BACE2: variants seen among roughly 807,000 people sequenced by gnomAD.
BACE2 encodes 56 kDa aspartic-like protease.
Under a neutral mutation model 46.2 loss-of-function variants are expected in BACE2, and 17 were observed. The ratio of observed to expected loss-of-function variants is 0.37; its 90% CI spans 0.25 to 0.55. BACE2 has a LOEUF of 0.55. Ranked by LOEUF, BACE2 falls within the 20% of genes least tolerant of loss-of-function variation. The pLI, the probability that BACE2 is intolerant of heterozygous loss-of-function variation, is 0.82. For missense variants in BACE2, 595 were observed against 698.1 expected, an observed-to-expected ratio of 0.85 and a Z score of 1.66; for synonymous variants, 277 against 295.9, an observed-to-expected ratio of 0.94 and a Z score of 0.66.
In BACE2 at chr21:41,280,098, G is replaced by A. The variant is rs941326505; in HGVS notation, c.*4474G>A. The A allele has an allele frequency of 1.3e-5, 2 of 152,296 alleles. No homozygotes were observed. The highest frequency in any genetic ancestry group is 1.3e-4 in the Admixed American group (2 of 15,288). The allele number at this position is 152,296 out of a possible 1,614,324, so 9.4% of individuals were successfully genotyped here. Reference sequence around the variant, plus strand: ...CAAGAGAAACTTGCTTGACAGCCATGTGTAAAACACGTCTGTCCTAATCAA... The same window carrying A: ...CAAGAGAAACTTGCTTGACAGCCATATGTAAAACACGTCTGTCCTAATCAA... On this transcript the variant is annotated 3_prime_UTR_variant, in exon 9 of 9. Coordinates refer to ENST00000330333, the MANE Select transcript of BACE2 (RefSeq NM_012105.5).
chr21:41,257,752 C>T (rs555901276), intron 8 of BACE2, among the ~76,000 whole-genome samples: 14 of 152,202 alleles, frequency 9.2e-5, no homozygotes, highest in East Asian at 5.8e-4. Flanking sequence ...TCTTGAAATC[C>T]TAATATAATG....
intron 7 of BACE2, among the ~76,000 whole-genome samples, chr21:41,253,565 G>T (rs1987700237): frequency 1.3e-5 from 2 of 152,124 alleles, no homozygotes; most frequent in African/African-American, 2.4e-5. Flanking sequence ...TGAGGACCCA[G>T]GTGTGCACTG....
At chr21:41,237,485 A>G (rs1389467867) in intron 2 of BACE2, 28 bp from the exon 3 acceptor site, 4 of 1,434,704 alleles carry the variant, frequency 2.8e-6, no homozygotes, top group Non-Finnish European at 3.8e-6. Flanking sequence ...TAAAATGAAT[A>G]CAATATGCTT....
chr21:41,262,714 C>G (rs1444592284), intron 8 of BACE2, among the ~76,000 whole-genome samples: 1 of 152,016 alleles, frequency 6.6e-6, no homozygotes, highest in Non-Finnish European at 1.5e-5. Context: ...TAATTTTGTC[C>G]AAAAAGATTC....
intron 1 of BACE2, among the ~76,000 whole-genome samples, chr21:41,223,427 TG>T (rs1384155432): frequency 6.6e-6 from 1 of 151,992 alleles, no homozygotes; most frequent in Non-Finnish European, 1.5e-5. Flanking sequence ...AAGGTGTTGG[TG>T]GGGCCATGCA....
Position 41,226,359 on chromosome 21 carries a change from G to A in BACE2, c.401+5G>A. On this transcript the variant is annotated splice_donor_5th_base_variant and intron_variant, in intron 2 of 8. Transcript: ENST00000330333. ...CACGTACTTTGACACAGAGAGGTAA[G>A]CGCTGGCCCCTTGGCTGGTGTGCTG... 1.2e-6 allele frequency: 2 copies of A among 1,611,246 alleles called. No individual in the cohort carries two copies. Among genetic ancestry groups the A allele is most frequent in the Non-Finnish European group, 1.7e-6 (2 of 1,179,260 alleles).
chr21:41,172,954 C>T (rs1984658384), intron 1 of BACE2, among the ~76,000 whole-genome samples: 1 of 152,124 alleles, frequency 6.6e-6, no homozygotes. Flanking sequence ...ATTTCTTGAC[C>T]CTTGGCCGCA....
At position 41,193,610 on chromosome 21, in the gene BACE2, C is replaced by T. The variant is rs543286307; in HGVS notation, c.312+25035C>T. ...GCAGCTCTAATGGCTTCCATTTGGC[C>T]TTTCTCACCATAATAGTCCACACCC... On this transcript the variant is annotated intron_variant, in intron 1 of 8. Transcript: ENST00000330333. This position sits in a 1 kb window ranked among gnomAD's most constrained non-coding sequence, Gnocchi z 4.2. 1.3e-5 allele frequency among the ~76,000 whole-genome samples: 2 copies of T among 152,286 alleles called. No homozygotes were observed. The highest frequency in any genetic ancestry group is 4.8e-5 in the African/African-American group (2 of 41,556).
At chr21:41,204,270 AC>A (rs1440011087) in intron 1 of BACE2, among the ~76,000 whole-genome samples, 2 of 152,050 alleles carry the variant, frequency 1.3e-5, no homozygotes, top group Admixed American at 6.6e-5. Context: ...TGAACTCCTG[AC>A]CTCAGGTGAT....
In BACE2 at chr21:41,230,216, C is replaced by T. The variant is rs895090382; in HGVS notation, c.401+3862C>T. 4 of 152,326 alleles carry T rather than the reference C, an allele frequency of 2.6e-5. 1 individual carries two copies. Among genetic ancestry groups the T allele is most frequent in the South Asian group, 2.1e-4 (1 of 4,832 alleles). The allele number at this position is 152,326 out of a possible 1,614,324, so 9.4% of individuals were successfully genotyped here. ...TCAGATGTGACGCATCCCACTTCTG[C>T]GTTTGAGGCGAGTTCTATTCCTTCA... On this transcript the variant is annotated intron_variant, in intron 2 of 8. Transcript: ENST00000330333.
At chr21:41,205,544 T>C (rs1178415425) in intron 1 of BACE2, among the ~76,000 whole-genome samples, 1 of 152,274 alleles carries the variant, frequency 6.6e-6, no homozygotes, top group Non-Finnish European at 1.5e-5. Flanking sequence ...GATTGTGTGG[T>C]TGGCAATTCG....
chr21:41,250,390 C>G (rs1205664117), intron 6 of BACE2, among the ~76,000 whole-genome samples: 1 of 152,192 alleles, frequency 6.6e-6, no homozygotes, highest in Non-Finnish European at 1.5e-5. Flanking sequence ...GGGCCTCTGC[C>G]CTCTGCTGTG....
chr21:41,184,296 T>A (rs1468549060), intron 1 of BACE2: 2 of 167,118 alleles, frequency 1.2e-5, no homozygotes, highest in East Asian at 3.8e-4. Context: ...TTTAACCTTG[T>A]CATAATTGAC....
intron 8 of BACE2, among the ~76,000 whole-genome samples, chr21:41,270,319 T>C (rs890668742): frequency 1.3e-5 from 2 of 152,246 alleles, no homozygotes; most frequent in Non-Finnish European, 2.9e-5. Flanking sequence ...GGAGCAGTTC[T>C]TACTTAATTT....
intron 1 of BACE2, chr21:41,225,472 A>G (rs987520620): frequency 5.3e-5 from 8 of 152,204 alleles, no homozygotes; most frequent in Non-Finnish European, 1.2e-4. Context: ...AGGACGTCTC[A>G]AAGACAAGTT....
intron 1 of BACE2, among the ~76,000 whole-genome samples, chr21:41,217,219 G>A (rs1285840516): frequency 2.6e-5 from 4 of 152,230 alleles, no homozygotes; most frequent in Non-Finnish European, 4.4e-5. Context: ...GTGAGCCACT[G>A]CGCCCGGCCC....
intron 1 of BACE2, among the ~76,000 whole-genome samples, chr21:41,206,181 A>G (rs1448419970): frequency 1.3e-5 from 2 of 152,242 alleles, no homozygotes; most frequent in Non-Finnish European, 2.9e-5. Context: ...CCCAAGGTCC[A>G]GGTGCCAGCA....
chr21:41,178,450 A>T (rs1329805134), intron 1 of BACE2: 1 of 152,250 alleles, frequency 6.6e-6, no homozygotes, highest in Non-Finnish European at 1.5e-5. Context: ...TCTTCGGCAC[A>T]TTGGCTGGGT....
At chr21:41,257,092 A>G (rs2123628602) in intron 7 of BACE2, 66 bp from the exon 8 acceptor site, 3 of 1,598,870 alleles carry the variant, frequency 1.9e-6, no homozygotes, top group Non-Finnish European at 2.6e-6. Context: ...TGACCTCAGC[A>G]ATTTTGTGAT....
Sources: gnomAD v4.1 joint callset for allele counts (sites outside exome capture counted in the v4.1 genomes callset) on GRCh38, gnomAD v4.1.1 for gene constraint, Gnocchi (gnomAD v3.1) non-coding constraint, MANE v1.5 for transcripts, NCBI Gene and HGNC (gene_info 2026-07-23, HGNC 2026-07-21) for gene names.